ZNF69: variants seen among roughly 807,000 people sequenced by gnomAD.
ZNF69 encodes the protein zinc finger protein 69, also known as ZNF3.
In ZNF69, 47 loss-of-function variants were observed where a neutral mutation model predicts 50.9. The ratio of observed to expected loss-of-function variants is 0.92; its 90% confidence interval spans 0.73 to 1.18. The LOEUF (loss-of-function observed/expected upper bound fraction) is 1.18. ZNF69 is among the 50% of genes most tolerant of loss of function. The probability of loss-of-function intolerance (pLI) is 0.00; values close to 1 mark genes in which losing one functional copy is unlikely to be tolerated. For synonymous variants in ZNF69, 216 were observed against 223.1 expected, an observed-to-expected ratio of 0.97 and a Z score of 0.29; for missense variants, 717 against 675.1, an observed-to-expected ratio of 1.06 and a Z score of -0.69.
Position 11,906,048 on chromosome 19 carries a change from A to G in ZNF69, c.1651A>G (p.Met551Val). ...KAFRAASVLR[M>V]HGRTHPEDKP... The stretch of plus-strand genomic sequence containing the variant: ...CTTCAGAGCTGCCTCAGTCCTTCGA[A>G]TGCATGGTAGGACTCACCCTGAAGA... The change falls in exon 4 of 4, where the codon ATG becomes GTG. Residue 551 changes from methionine to valine, a missense_variant. By Grantham distance (21) the Met-to-Val change is conservative. Transcript: ENST00000429654. The G allele has an allele frequency of 1.2e-6, 2 of 1,612,930 alleles. No homozygotes were observed. Among genetic ancestry groups the G allele is most frequent in the Non-Finnish European group, 1.7e-6 (2 of 1,179,660 alleles).
the ZNF69 span, among the ~76,000 whole-genome samples, chr19:11,974,069 TTTTCTTTCTTTCTTTCTTTC>T: frequency 3.1e-3 from 352 of 114,832 alleles, 2 homozygotes; most frequent in South Asian, 0.011. Flanking sequence ...TCCTTCTTTC[TTTTCTTTCTTTCTTTCTTTC>T]TTTCTTTCTT....
Position 11,903,935 on chromosome 19 carries a change from A to G in ZNF69, c.221A>G (p.Tyr74Cys). 6.2e-7 allele frequency: 1 copy of G among 1,614,048 alleles called. No homozygotes were observed. The highest frequency in any genetic ancestry group is 8.5e-7 in the Non-Finnish European group (1 of 1,179,922). The change falls in exon 3 of 4, where the codon TAT becomes TGT. Residue 74 changes from tyrosine (Y) to cysteine (C), a missense_variant. Tyr to Cys is a radical substitution (Grantham distance 194, BLOSUM62 -2). Transcript: ENST00000429654. ...AGTTGGAAAGACCAGAACATTGAAT[A>G]TGAGTACCAAAACCCCAGGAGAAAC... Reference protein sequence around the residue: ...GKSWKDQNIEYEYQNPRRNFR... With the variant: ...GKSWKDQNIECEYQNPRRNFR...
At chr19:11,907,247 T>C (rs183853504), downstream of ZNF69, among the ~76,000 whole-genome samples, 43 of 152,294 alleles carry the variant, frequency 2.8e-4, no homozygotes, top group African/African-American at 9.4e-4. Context: ...TGGGAAACAC[T>C]CTTCAGGATA....
the ZNF69 span, chr19:11,925,266 G>A: frequency 5.0e-6 from 8 of 1,612,262 alleles, no homozygotes; most frequent in South Asian, 7.7e-5. Context: ...TCTGAAAGCC[G>A]GGAAATGGTG....
chr19:11,949,734 G>C, the ZNF69 span: 2 of 1,613,210 alleles, frequency 1.2e-6, no homozygotes, highest in Non-Finnish European at 8.5e-7. Context: ...AGCAATGTGG[G>C]AAAGCCTTCA....
chr19:11,931,443 C>T, the ZNF69 span, among the ~76,000 whole-genome samples: 383 of 148,294 alleles, frequency 2.6e-3, 12 homozygotes, highest in Admixed American at 5.4e-3. Context: ...AGAGATGTCA[C>T]CTTCTAATAC....
downstream of ZNF69, among the ~76,000 whole-genome samples, chr19:11,916,334 G>T (rs370194613): frequency 2.0e-5 from 3 of 152,248 alleles, no homozygotes; most frequent in East Asian, 5.8e-4. Context: ...TTCAGGGGCC[G>T]CTGGGCAGAT....
At chr19:11,974,677 A>G in the ZNF69 span, among the ~76,000 whole-genome samples, 5 of 151,988 alleles carry the variant, frequency 3.3e-5, no homozygotes, top group Middle Eastern at 3.2e-3. Context: ...ATCTCAGCTC[A>G]CTGCAACTTC....
chr19:11,898,496 T>G (rs1972176157), intron 1 of ZNF69, among the ~76,000 whole-genome samples: 1 of 149,732 alleles, frequency 6.7e-6, no homozygotes, highest in Non-Finnish European at 1.5e-5. Flanking sequence ...GTTCTAGCAA[T>G]TCTTCTGCCT....
At chr19:11,977,577 G>A in the ZNF69 span, 6 of 1,090,678 alleles carry the variant, frequency 5.5e-6, no homozygotes, top group East Asian at 1.6e-4. Flanking sequence ...ATTTACATGT[G>A]ACTAAGTCTG....
the ZNF69 span, among the ~76,000 whole-genome samples, chr19:11,941,290 C>T: frequency 5.3e-5 from 8 of 152,264 alleles, no homozygotes; most frequent in South Asian, 4.1e-4. Context: ...CCGCGCCATG[C>T]GCCCGCACTC....
chr19:11,887,990 C>A lies in ZNF69; in HGVS notation c.63+4C>A, dbSNP rs752289883. ...GACATCTGAAAGCCAGGAAATGGTGCGTGTCTGGGGCCGGGTGTCGTGAGA... is the reference window on the plus strand; with the variant it reads ...GACATCTGAAAGCCAGGAAATGGTGAGTGTCTGGGGCCGGGTGTCGTGAGA... On this transcript the variant is annotated splice_donor_region_variant and intron_variant, in intron 1 of 3. Coordinates refer to ENST00000429654, the MANE Select transcript of ZNF69 (RefSeq NM_001364730.1). The A allele has an allele frequency of 6.2e-7, 1 of 1,609,134 alleles. No homozygotes were observed. Among genetic ancestry groups the A allele is most frequent in the Non-Finnish European group, 8.5e-7 (1 of 1,177,036 alleles).
the ZNF69 span, chr19:11,977,083 G>A: frequency 1.9e-6 from 3 of 1,614,184 alleles, no homozygotes; most frequent in African/African-American, 2.7e-5. Context: ...CACCCAGGAG[G>A]AGTGGGCTTT....
the ZNF69 span, chr19:11,979,956 A>C: frequency 8.6e-7 from 1 of 1,162,472 alleles, no homozygotes; most frequent in East Asian, 2.8e-5. Flanking sequence ...ATACCTGAAA[A>C]ATCTTACACT....
At chr19:11,950,164 AATT>A in the ZNF69 span, 3 of 1,613,944 alleles carry the variant, frequency 1.9e-6, no homozygotes, top group Non-Finnish European at 2.5e-6. Context: ...AAAAGCATTC[AATT>A]ATTTTTCTTC....
chr19:11,952,540 C>A, the ZNF69 span, among the ~76,000 whole-genome samples: 1 of 152,316 alleles, frequency 6.6e-6, no homozygotes, highest in South Asian at 2.1e-4. Context: ...TGGCATAGAA[C>A]AATTCAGTCA....
At chr19:11,923,147 T>C in the ZNF69 span, among the ~76,000 whole-genome samples, 1 of 152,166 alleles carries the variant, frequency 6.6e-6, no homozygotes, top group African/African-American at 2.4e-5. Context: ...GTCTTTGCAA[T>C]CTCTAAGAGT....
intron 3 of ZNF69, 121 bp from the exon 4 acceptor site, chr19:11,904,528 A>G: frequency 7.3e-7 from 1 of 1,372,234 alleles, no homozygotes; most frequent in Admixed American, 2.7e-5. Context: ...CAAACAATTC[A>G]GACAGGGCAG....
the ZNF69 span, among the ~76,000 whole-genome samples, chr19:11,938,312 G>C: frequency 6.6e-6 from 1 of 152,030 alleles, no homozygotes; most frequent in South Asian, 2.1e-4. Context: ...GTATACATGT[G>C]ACATGTTGGT....
Sources: allele counts gnomAD v4.1 joint callset (sites outside exome capture counted in the v4.1 genomes callset), GRCh38; gene constraint gnomAD v4.1.1; transcripts MANE v1.5; gene names NCBI Gene and HGNC (gene_info 2026-07-23, HGNC 2026-07-21).